The following ARHGAP10 variants were observed in gnomAD, a reference collection of about 807,000 sequenced individuals.
ARHGAP10 encodes the protein rho GTPase-activating protein 10.
In ARHGAP10, 87 loss-of-function variants were observed where a neutral mutation model predicts 108.6. The ratio of observed to expected loss-of-function variants is 0.80; its 90% confidence interval spans 0.67 to 0.96. The LOEUF is 0.96. ARHGAP10 is among the 40% of genes least tolerant of loss of function. The probability of loss-of-function intolerance (pLI) is 0.00; values close to 1 mark genes in which losing one functional copy is unlikely to be tolerated. For missense variants in ARHGAP10, 939 were observed against 954.5 expected (o/e 0.98, Z 0.21); for synonymous variants, 347 against 341.1 (o/e 1.02, Z -0.19).
chr4:148,026,286 G>A (rs1351412190), intron 19 of ARHGAP10, among the ~76,000 whole-genome samples: 4 of 152,168 alleles, frequency 2.6e-5, no homozygotes, highest in Non-Finnish European at 4.4e-5. Flanking sequence ...AAGCATCAGC[G>A]AAGAGTCAGC....
Position 148,064,495 on chromosome 4 carries a change from A to G in ARHGAP10, c.2260A>G (p.Ile754Val), listed in dbSNP as rs775059080. Residue 754 changes from isoleucine to valine, a missense_variant, in exon 22 of 23, where the codon ATT becomes GTT. By Grantham distance (29) the Ile-to-Val change is conservative (BLOSUM62 3). Coordinates refer to ENST00000336498, the MANE Select transcript of ARHGAP10 (RefSeq NM_024605.4). ...SSELSFEIGA[I>V]FEDVQTSREP... is the part of the protein sequence containing the mutation. The stretch of plus-strand genomic sequence containing the variant: ...GGAATTATCTTTTGAAATAGGAGCA[A>G]TTTTTGAGGATGGTAAGTGTTAGTG... 14 of 1,614,090 alleles carry G rather than the reference A, an allele frequency of 8.7e-6. No individual in the cohort carries two copies. Among genetic ancestry groups the G allele is most frequent in the African/African-American group, 1.3e-5 (1 of 75,042 alleles).
chr4:147,904,673 A>G lies in ARHGAP10; in HGVS notation c.1035-1965A>G, dbSNP rs574478560. 2.6e-4 allele frequency among the ~76,000 whole-genome samples: 40 copies of G among 152,290 alleles called. No individual in the cohort carries two copies. In the South Asian group the frequency reaches 7.9e-3, roughly 30 times the overall value. On this transcript the variant is annotated intron_variant, in intron 10 of 22. Coordinates refer to ENST00000336498, the MANE Select transcript of ARHGAP10 (RefSeq NM_024605.4). ...TGGTTCCAAGTCTTTGCTATTGTGA[A>G]TAGTGCCACAATAAACATACGTGTG... is the stretch of plus-strand genomic sequence containing the variant.
intron 18 of ARHGAP10, among the ~76,000 whole-genome samples, chr4:147,988,255 T>C (rs1325118513): frequency 6.6e-6 from 1 of 152,242 alleles, no homozygotes; most frequent in Non-Finnish European, 1.5e-5. Flanking sequence ...CCCAAAATTT[T>C]ATGGCTAAAA....
chr4:147,868,747 C>T (rs745743044), intron 7 of ARHGAP10, among the ~76,000 whole-genome samples: 2 of 152,120 alleles, frequency 1.3e-5, no homozygotes, highest in Non-Finnish European at 2.9e-5. Context: ...GCATTAGATT[C>T]TCATAAGGAC....
chr4:147,867,926 CT>C (rs57058691), intron 7 of ARHGAP10, among the ~76,000 whole-genome samples: 10,850 of 135,460 alleles, frequency 0.08, 1,304 homozygotes, highest in African/African-American at 0.27. Flanking sequence ...TTGTTTCTAA[CT>C]TTTTTTTTTT....
At chr4:147,754,426 A>G (rs1007406171) in intron 1 of ARHGAP10, among the ~76,000 whole-genome samples, 2 of 152,194 alleles carry the variant, frequency 1.3e-5, no homozygotes, top group Non-Finnish European at 2.9e-5. Flanking sequence ...GAACGTTAAG[A>G]CAGGCTTAGA....
chr4:147,946,612 A>G lies in ARHGAP10; in HGVS notation c.1304-5A>G. ...TTATTTTTTTCTTGTTTGCTTGCTC[A>G]CTAGATGTAAAAACATGCAATGAGG... On this transcript the variant is annotated splice_region_variant and splice_polypyrimidine_tract_variant and intron_variant, in intron 14 of 22. Transcript: ENST00000336498. 1 of 1,611,142 alleles carries G rather than the reference A, an allele frequency of 6.2e-7. No homozygotes were observed. Among genetic ancestry groups the G allele is most frequent in the Middle Eastern group, 1.7e-4 (1 of 6,056 alleles).
At chr4:148,023,585 G>A (rs1043928789) in intron 19 of ARHGAP10, among the ~76,000 whole-genome samples, 172 bp downstream of exon 19, 1 of 152,166 alleles carries the variant, frequency 6.6e-6, no homozygotes, top group Non-Finnish European at 1.5e-5. Context: ...GGGAGAAAAC[G>A]CAAGTTTCGG....
At chr4:147,964,165 C>A (rs1488454921) in intron 16 of ARHGAP10, among the ~76,000 whole-genome samples, 1 of 152,186 alleles carries the variant, frequency 6.6e-6, no homozygotes, top group Non-Finnish European at 1.5e-5. Context: ...CCCGTGACCC[C>A]CCTCCCTACG....
intron 15 of ARHGAP10, among the ~76,000 whole-genome samples, chr4:147,952,456 A>G (rs1196806362): frequency 6.6e-6 from 1 of 152,086 alleles, no homozygotes; most frequent in African/African-American, 2.4e-5. Context: ...CCATCGTAAT[A>G]GGTATTTGGT....
At position 147,879,289 on chromosome 4, in the gene ARHGAP10, C is replaced by T. The variant is rs778062825; in HGVS notation, c.890C>T (p.Ala297Val). The change falls in exon 9 of 23, where the codon GCA (alanine) becomes GTA (valine). Residue 297 changes from alanine to valine, a missense_variant. Transcript: ENST00000336498. ...VKHYCMYRKA[A>V]KKFNMIPFEH... is the part of the protein sequence containing the mutation. ...CACTATTGCATGTATCGAAAAGCAG[C>T]AAAGAAGTTCAACATGATCCCATTT... 31 of 1,613,860 alleles carry T rather than the reference C, an allele frequency of 1.9e-5. No individual in the cohort carries two copies. Among genetic ancestry groups the T allele is most frequent in the South Asian group, 1.1e-5 (1 of 91,076 alleles).
chr4:148,001,547 T>C (rs568132302), intron 18 of ARHGAP10, among the ~76,000 whole-genome samples: 5,698 of 151,240 alleles, frequency 0.038, 331 homozygotes, highest in African/African-American at 0.13. Context: ...TATCCATGAG[T>C]ATGGAATGTT....
At chr4:147,908,868 C>T (rs1287745923) in intron 11 of ARHGAP10, among the ~76,000 whole-genome samples, 1 of 152,106 alleles carries the variant, frequency 6.6e-6, no homozygotes, top group African/African-American at 2.4e-5. Context: ...TTTGGTATAC[C>T]TCAGGGAGAG....
At chr4:148,023,208 C>A in intron 18 of ARHGAP10, 55 bp from the exon 19 acceptor site, 5 of 1,592,046 alleles carry the variant, frequency 3.1e-6, no homozygotes, top group Non-Finnish European at 4.3e-6. Flanking sequence ...ACTGGAGTAA[C>A]ACACAGGTTT....
intron 15 of ARHGAP10, among the ~76,000 whole-genome samples, chr4:147,950,992 G>C (rs1738577220): frequency 6.6e-6 from 1 of 152,164 alleles, no homozygotes; most frequent in Non-Finnish European, 1.5e-5. Flanking sequence ...GTGGCAAAGA[G>C]AGGTGGCTCA....
chr4:147,932,065 AG>A (rs1737717333), intron 13 of ARHGAP10, among the ~76,000 whole-genome samples: 2 of 152,230 alleles, frequency 1.3e-5, no homozygotes, highest in Admixed American at 1.3e-4. Context: ...ATGAAAAAAA[AG>A]TTCAACATCA....
chr4:147,967,993 G>A (rs1156588482), intron 18 of ARHGAP10, among the ~76,000 whole-genome samples: 1 of 152,196 alleles, frequency 6.6e-6, no homozygotes, highest in Non-Finnish European at 1.5e-5. Flanking sequence ...CGAAAAGAAG[G>A]TTTCATTAAT....
chr4:147,747,002 A>T (rs1296989984), intron 1 of ARHGAP10, among the ~76,000 whole-genome samples: 3 of 152,174 alleles, frequency 2.0e-5, no homozygotes, highest in African/African-American at 7.2e-5. Flanking sequence ...TGGCATACAG[A>T]TGTTAAGCTG....
chr4:147,783,501 T>G (rs946141556), intron 1 of ARHGAP10, among the ~76,000 whole-genome samples: 1 of 147,740 alleles, frequency 6.8e-6, no homozygotes, highest in African/African-American at 2.5e-5. Flanking sequence ...TTAAATTATG[T>G]ATTGTATAAT....
Sources: allele counts gnomAD v4.1 joint callset (sites outside exome capture counted in the v4.1 genomes callset), GRCh38; gene constraint gnomAD v4.1.1; transcripts MANE v1.5; gene names NCBI Gene and HGNC (gene_info 2026-07-23, HGNC 2026-07-21).